AR: variants seen among roughly 807,000 people sequenced by gnomAD.
AR encodes the protein androgen receptor, also known as dihydrotestosterone receptor.
AR carries 8 observed loss-of-function variants against 53.9 expected under a neutral mutation model. The ratio of observed to expected loss-of-function variants is 0.15; its 90% CI spans 0.09 to 0.27. AR has a LOEUF of 0.27. Among genes scored for constraint, AR ranks in the 10% least tolerant of loss-of-function variants. The pLI is 1.00. For synonymous variants in AR, 359 were observed against 316.4 expected (o/e 1.13, Z -1.43); for missense variants, 639 against 742.5 (o/e 0.86, Z 1.62).
Position 67,610,765 on chromosome X carries a change from A to G in AR, c.1617-32491A>G, listed in dbSNP as rs576900391. ...CTTTTTGTTTCCCTTACTAATGGATATTTCATGTTTCCCTAACTCTTTTGA... is the reference window on the plus strand; with the variant it reads ...CTTTTTGTTTCCCTTACTAATGGATGTTTCATGTTTCCCTAACTCTTTTGA... On this transcript the variant is annotated intron_variant, in intron 1 of 7. Transcript: ENST00000374690. 5.4e-4 allele frequency among the ~76,000 whole-genome samples: 60 copies of G among 111,679 alleles called. 1 individual carries two copies. In the South Asian group the frequency reaches 0.023, roughly 42 times the overall value.
intron 1 of AR, among the ~76,000 whole-genome samples, chrX:67,552,789 C>A (rs1930045628): frequency 8.9e-6 from 1 of 111,816 alleles, no homozygotes; most frequent in Non-Finnish European, 1.9e-5. Flanking sequence ...TCCCTAATAA[C>A]AAATAATGTT....
chrX:67,593,148 G>A (rs991929747), intron 1 of AR, among the ~76,000 whole-genome samples: 1 of 110,694 alleles, frequency 9.0e-6, no homozygotes, highest in Non-Finnish European at 1.9e-5. Flanking sequence ...AAATGGCATA[G>A]TGTCTTAAAT....
In AR at chrX:67,686,144, C is replaced by A. The variant is rs2075965574; in HGVS notation, c.1885+18C>A. On this transcript the variant is annotated intron_variant, in intron 3 of 7. Transcript: ENST00000374690. ...TCTGGGAGGTAAGATACTTTTCTTT[C>A]TCTTCCTCCTCCTTCCTCTCTCCCC... 2 of 1,184,829 alleles carry A rather than the reference C, an allele frequency of 1.7e-6. No homozygotes were observed. The highest frequency in any genetic ancestry group is 3.6e-5 in the South Asian group (2 of 55,734).
At chrX:67,613,639 G>A (rs1310862418) in intron 1 of AR, among the ~76,000 whole-genome samples, 1 of 111,248 alleles carries the variant, frequency 9.0e-6, no homozygotes, top group African/African-American at 3.3e-5. Flanking sequence ...ATGTGGGGTA[G>A]GCTCTAAAGC....
intron 1 of AR, among the ~76,000 whole-genome samples, chrX:67,600,332 C>G (rs1253806866): frequency 1.8e-5 from 2 of 111,202 alleles, no homozygotes; most frequent in African/African-American, 3.3e-5. Context: ...AAATGTGGTA[C>G]ATATATACAA....
chrX:67,558,077 C>T (rs769722866), intron 1 of AR, among the ~76,000 whole-genome samples: 4 of 111,562 alleles, frequency 3.6e-5, no homozygotes, highest in Non-Finnish European at 7.5e-5. Flanking sequence ...GGGTGAGGTG[C>T]CTGAGGCACC....
intron 2 of AR, among the ~76,000 whole-genome samples, chrX:67,683,514 G>A (rs2075948388): frequency 8.9e-6 from 1 of 111,967 alleles, no homozygotes; most frequent in African/African-American, 3.2e-5. Context: ...GTAATCAATG[G>A]GGCCCAGAGA....
chrX:67,572,130 G>C (rs1196430469), intron 1 of AR, among the ~76,000 whole-genome samples: 2 of 111,540 alleles, frequency 1.8e-5, no homozygotes, highest in African/African-American at 6.5e-5. Context: ...ACAATAGGGT[G>C]GATTTTTCAT....
chrX:67,577,059 T>C (rs1922087359), intron 1 of AR, among the ~76,000 whole-genome samples: 1 of 106,054 alleles, frequency 9.4e-6, no homozygotes, highest in Admixed American at 1.0e-4. Context: ...CAAAATCAAT[T>C]TTGGAACAAT....
intron 1 of AR, among the ~76,000 whole-genome samples, chrX:67,571,373 A>C (rs1319591206): frequency 2.7e-5 from 3 of 111,248 alleles, no homozygotes; most frequent in African/African-American, 9.8e-5. Flanking sequence ...TGTGGTGCTT[A>C]ATGGGCGCAA....
rs751836904 is a variant in AR at position 67,639,656 on chromosome X, G to A, written c.1617-3600G>A. The stretch of plus-strand genomic sequence containing the variant: ...GTGTATAGGAATGCTTGTGATTTTC[G>A]CACACTGATTTTGTATCCTGAGACT... On this transcript the variant is annotated intron_variant, in intron 1 of 7. Transcript: ENST00000374690. Among the ~76,000 whole-genome samples, 505 of 111,602 alleles carry A rather than the reference G, an allele frequency of 4.5e-3. 2 individuals carry two copies. The highest frequency in any genetic ancestry group is 0.016 in the African/African-American group (480 of 30,734).
intron 3 of AR, chrX:67,695,937 T>C (rs952749466): frequency 1.2e-5 from 9 of 751,507 alleles, no homozygotes; most frequent in Non-Finnish European, 1.4e-5. Flanking sequence ...AGGGCAGAAT[T>C]TTAATCTCCA....
chrX:67,681,740 G>C (rs1446949486), intron 2 of AR, among the ~76,000 whole-genome samples: 1 of 112,217 alleles, frequency 8.9e-6, no homozygotes, highest in Non-Finnish European at 1.9e-5. Flanking sequence ...AGAAAAGATA[G>C]GACAATACTT....
rs113528927 is a variant in AR at position 67,723,520 on chromosome X, A to AACACAC, written c.2608-151_2608-146dup. Among the ~76,000 whole-genome samples, 189 of 92,243 alleles carry AACACAC rather than the reference A, an allele frequency of 2.0e-3. No individual in the cohort carries two copies. Among genetic ancestry groups the AACACAC allele is most frequent in the Middle Eastern group, 5.5e-3 (1 of 181 alleles). The allele number at this position is 92,243 out of a possible 115,157, so 80.1% of individuals were successfully genotyped here. On this transcript the variant is annotated intron_variant, in intron 7 of 7. Transcript: ENST00000374690. ...TCTCTCTCTCTCGCTGTCTCTCTCT[A>AACACAC]ACACACACACACACACACACGACCT... is the stretch of plus-strand genomic sequence containing the variant.
chrX:67,668,221 A>G (rs1430565328), intron 2 of AR, among the ~76,000 whole-genome samples: 1 of 111,745 alleles, frequency 8.9e-6, no homozygotes, highest in East Asian at 2.8e-4. Context: ...GGCTTTTATT[A>G]TGTTGAAGTA....
At chrX:67,664,839 C>T (rs759710834) in intron 2 of AR, among the ~76,000 whole-genome samples, 12 of 112,585 alleles carry the variant, frequency 1.1e-4, no homozygotes, top group Non-Finnish European at 1.7e-4. Flanking sequence ...CCCAGCCTCG[C>T]TGCTGCCTTG....
At chrX:67,696,146 T>C (rs2076019901) in intron 3 of AR, 2 of 739,633 alleles carry the variant, frequency 2.7e-6, no homozygotes, top group Non-Finnish European at 1.6e-6. Flanking sequence ...TTTCTTTTTT[T>C]TTTTTCCTTT....
chrX:67,723,003 G>A lies in AR; in HGVS notation c.2607+19G>A, dbSNP rs770726482. The A allele has an allele frequency of 5.8e-6, 7 of 1,210,129 alleles. No individual in the cohort carries two copies. Among genetic ancestry groups the A allele is most frequent in the Non-Finnish European group, 7.8e-6 (7 of 894,192 alleles). On this transcript the variant is annotated intron_variant, in intron 7 of 7. Transcript: ENST00000374690. ...GCAGCCTGTAAGCAAACGATGGAGG[G>A]TGCTTTATCAGGGAGAACAGCCTGA... is the stretch of plus-strand genomic sequence containing the variant.
chrX:67,643,456 C>T (rs1208848709), intron 2 of AR, 49 bp downstream of exon 2: 1 of 1,165,347 alleles, frequency 8.6e-7, no homozygotes, highest in Admixed American at 2.4e-5. Context: ...CCTTTACCTT[C>T]CAGAGAGAGA....
Sources: allele counts gnomAD v4.1 joint callset (sites outside exome capture counted in the v4.1 genomes callset), GRCh38; gene constraint gnomAD v4.1.1; transcripts MANE v1.5; gene names NCBI Gene and HGNC (gene_info 2026-07-23, HGNC 2026-07-21).